Variants in STPG4 observed in about 807,000 individuals in gnomAD.
STPG4 encodes the protein sperm-tail PG-rich repeat containing 4.
A neutral mutation model predicts 31.5 loss-of-function variants in STPG4; 41 were observed. The ratio of observed to expected loss-of-function variants is 1.30; its 90% CI spans 1.01 to 1.69. STPG4 has a LOEUF of 1.69. Among genes scored for constraint, STPG4 ranks in the 40% most tolerant of loss-of-function variants. The probability of loss-of-function intolerance (pLI) is 0.00; values close to 1 mark genes in which losing one functional copy is unlikely to be tolerated. For synonymous variants in STPG4, 141 were observed against 103.0 expected, an observed-to-expected ratio of 1.37 and a Z score of -2.24; for missense variants, 375 against 293.4, an observed-to-expected ratio of 1.28 and a Z score of -2.03.
chr2:47,099,617 C>G (rs1010112291), intron 5 of STPG4, among the ~76,000 whole-genome samples: 1 of 152,282 alleles, frequency 6.6e-6, no homozygotes, highest in East Asian at 1.9e-4. Flanking sequence ...TCTGCCTGGG[C>G]TCCCACTTTG....
At chr2:47,098,947 G>C (rs1685732207) in intron 5 of STPG4, among the ~76,000 whole-genome samples, 1 of 152,198 alleles carries the variant, frequency 6.6e-6, no homozygotes, top group Non-Finnish European at 1.5e-5. Context: ...ATATACGCTG[G>C]TGGATGGGGT....
chr2:47,153,947 C>T (rs1215993180), intron 1 of STPG4, among the ~76,000 whole-genome samples: 1 of 152,180 alleles, frequency 6.6e-6, no homozygotes, highest in African/African-American at 2.4e-5. Flanking sequence ...GTACTCTATA[C>T]CCATTCATCC....
At chr2:47,137,027 G>A (rs1457857335) in intron 3 of STPG4, among the ~76,000 whole-genome samples, 1 of 152,114 alleles carries the variant, frequency 6.6e-6, no homozygotes, top group Non-Finnish European at 1.5e-5. Flanking sequence ...CTACAATGTT[G>A]AAAAGGAATG....
At chr2:47,094,318 T>A (rs1317433128) in intron 5 of STPG4, among the ~76,000 whole-genome samples, 4 of 152,194 alleles carry the variant, frequency 2.6e-5, no homozygotes, top group African/African-American at 4.8e-5. Context: ...GAGAACAGAA[T>A]AGTCACCTTC....
chr2:47,111,856 G>C (rs1229291597), intron 5 of STPG4, among the ~76,000 whole-genome samples: 1 of 152,174 alleles, frequency 6.6e-6, no homozygotes, highest in Non-Finnish European at 1.5e-5. Context: ...CTTTACATTG[G>C]TAATGTGAAG....
chr2:47,093,281 T>A (rs1255626942), intron 5 of STPG4, among the ~76,000 whole-genome samples: 1 of 152,152 alleles, frequency 6.6e-6, no homozygotes, highest in Non-Finnish European at 1.5e-5. Flanking sequence ...ATGAAAACAG[T>A]CATGTTTTCA....
In STPG4 at chr2:47,151,395, T is replaced by G. The variant is rs776460601; in HGVS notation, c.262A>C (p.Arg88=). The change falls in exon 3 of 7, where the codon AGA becomes CGA. Residue 88 remains arginine (R), a synonymous_variant. Coordinates refer to ENST00000445927, the MANE Select transcript of STPG4 (RefSeq NM_001163561.2). ...AGATCATTTAGGACTGGATTGTTTC[T>G]TTGCACAAGAGGTGGCTTTTTCCTT... ...EGRKKPPLVQ[R]NNPVLNDLPQ... 6 of 1,614,234 alleles carry G rather than the reference T, an allele frequency of 3.7e-6. No individual in the cohort carries two copies. Among genetic ancestry groups the G allele is most frequent in the Non-Finnish European group, 5.1e-6 (6 of 1,180,038 alleles).
At chr2:47,125,578 A>T (rs549732040) in intron 5 of STPG4, among the ~76,000 whole-genome samples, 13 of 152,268 alleles carry the variant, frequency 8.5e-5, no homozygotes, top group South Asian at 4.1e-4. Context: ...GAAACTTTTT[A>T]ACTTGATGTG....
At chr2:47,121,692 G>A (rs539555551) in intron 5 of STPG4, among the ~76,000 whole-genome samples, 1 of 152,242 alleles carries the variant, frequency 6.6e-6, no homozygotes, top group African/African-American at 2.4e-5. Context: ...GTTTCACTGG[G>A]CTAAAATTAT....
chr2:47,148,219 T>C (rs1203772311), intron 3 of STPG4, among the ~76,000 whole-genome samples: 1 of 152,098 alleles, frequency 6.6e-6, no homozygotes, highest in Non-Finnish European at 1.5e-5. Flanking sequence ...AGTGCTGGGA[T>C]TACAGGTGTG....
At chr2:47,121,578 C>G (rs1403387904) in intron 5 of STPG4, among the ~76,000 whole-genome samples, 1 of 152,162 alleles carries the variant, frequency 6.6e-6, no homozygotes, top group Admixed American at 6.5e-5. Context: ...ATAATCCCCA[C>G]CTGTATTCAT....
intron 5 of STPG4, among the ~76,000 whole-genome samples, chr2:47,120,586 G>A (rs995705334): frequency 4.0e-5 from 6 of 151,666 alleles, no homozygotes; most frequent in Middle Eastern, 3.2e-3. Context: ...AAAGAATGTG[G>A]TTAGAGTTTA....
chr2:47,088,385 C>T (rs760349555), intron 6 of STPG4, among the ~76,000 whole-genome samples: 11 of 152,158 alleles, frequency 7.2e-5, no homozygotes, highest in East Asian at 1.9e-4. Flanking sequence ...TCTTGAAGTC[C>T]GAAGGCATTT....
At chr2:47,097,906 C>T (rs1685706585) in intron 5 of STPG4, among the ~76,000 whole-genome samples, 1 of 149,968 alleles carries the variant, frequency 6.7e-6, no homozygotes, top group South Asian at 2.1e-4. Flanking sequence ...TCTCTTGAGG[C>T]CAGGAGTTTG....
chr2:47,134,431 T>A (rs1180702557), intron 3 of STPG4, among the ~76,000 whole-genome samples: 2 of 152,240 alleles, frequency 1.3e-5, no homozygotes, highest in South Asian at 2.1e-4. Context: ...TTTTCCAGAA[T>A]GTCATAGAGG....
At chr2:47,153,093 G>T in intron 1 of STPG4, 77 bp from the exon 2 acceptor site, 1 of 1,170,734 alleles carries the variant, frequency 8.5e-7, no homozygotes, top group East Asian at 2.4e-5. Flanking sequence ...TAAAACATTT[G>T]CTTGAAGAAA....
chr2:47,139,352 C>A (rs1241560351), intron 3 of STPG4, among the ~76,000 whole-genome samples: 1 of 151,850 alleles, frequency 6.6e-6, no homozygotes, highest in Non-Finnish European at 1.5e-5. Context: ...TCCCTGATAA[C>A]ACTTATTGCT....
At chr2:47,123,154 G>T (rs938076035) in intron 5 of STPG4, among the ~76,000 whole-genome samples, 5 of 152,158 alleles carry the variant, frequency 3.3e-5, no homozygotes, top group African/African-American at 4.8e-5. Flanking sequence ...TCTTTCAGAT[G>T]ATTTATATAA....
chr2:47,120,302 A>G (rs866074807), intron 5 of STPG4, among the ~76,000 whole-genome samples: 1 of 150,508 alleles, frequency 6.6e-6, no homozygotes, highest in South Asian at 2.1e-4. Context: ...CTGCACTCCA[A>G]CGTGGGCGAC....
Sources: allele counts gnomAD v4.1 joint callset (sites outside exome capture counted in the v4.1 genomes callset), GRCh38; gene constraint gnomAD v4.1.1; transcripts MANE v1.5; gene names NCBI Gene and HGNC (gene_info 2026-07-23, HGNC 2026-07-21).